The following NEFL variants were observed in gnomAD, a reference collection of about 807,000 sequenced individuals.
NEFL encodes the protein neurofilament light polypeptide.
NEFL carries 36 observed loss-of-function variants against 51.6 expected under a neutral mutation model. That is an observed-to-expected ratio of 0.70 (90% CI 0.53 to 0.92). NEFL has a LOEUF of 0.92. Ranked by LOEUF, NEFL falls within the 40% of genes least tolerant of loss-of-function variation. NEFL has a pLI of 0.00. For synonymous variants in NEFL, 332 were observed against 302.5 expected (o/e 1.10, Z -1.01); for missense variants, 671 against 722.0 (o/e 0.93, Z 0.81).
At position 24,955,526 on chromosome 8, in the gene NEFL, C is replaced by T; in HGVS notation, c.990G>A (p.Glu330=). The T allele has an allele frequency of 6.2e-7, 1 of 1,613,238 alleles. No individual in the cohort carries two copies. The highest frequency in any genetic ancestry group is 8.5e-7 in the Non-Finnish European group (1 of 1,179,842). Residue 330 remains glutamate, a synonymous_variant, in exon 1 of 4, where the codon GAG becomes GAA. Coordinates refer to ENST00000610854, the MANE Select transcript of NEFL (RefSeq NM_006158.5). The surrounding 1 kb of genome is among the most constrained non-coding windows in gnomAD (Gnocchi z 4.0). ...TGTCCTCCAGCTCCTGCAGCTGCTTCTCCAGCGCTTCATTCATGCCCCGGC... is the reference window on the plus strand; with the variant it reads ...TGTCCTCCAGCTCCTGCAGCTGCTTTTCCAGCGCTTCATTCATGCCCCGGC... The part of the protein sequence containing the change: ...EACRGMNEAL[E]KQLQELEDKQ...
rs143338656 is a variant in NEFL at position 24,955,426 on chromosome 8, C to G, written c.1044+46G>C. ...ACTTTCTGGGCGCACCAACTCCCCC[C>G]CTTGCTCGAGTCCCCCGCCCCCCTG... On this transcript the variant is annotated intron_variant, in intron 1 of 3. Transcript: ENST00000610854. The surrounding 1 kb of genome is among the most constrained non-coding windows in gnomAD (Gnocchi z 4.0). 5.3e-5 allele frequency: 48 copies of G among 909,444 alleles called. No individual in the cohort carries two copies. The highest frequency in any genetic ancestry group is 7.3e-5 in the Non-Finnish European group (43 of 586,398). The allele number at this position is 909,444 out of a possible 1,614,324, so 56.3% of individuals were successfully genotyped here. A position where few individuals can be genotyped will look rare whatever the true frequency, so the allele number is the denominator to read the frequency against.
intron 3 of NEFL, 93 bp downstream of exon 3, chr8:24,953,383 A>G (rs907566798): frequency 2.0e-5 from 31 of 1,535,940 alleles, no homozygotes; most frequent in Non-Finnish European, 2.5e-5. Context: ...ATATATGAAT[A>G]AATGAGCAAG....
chr8:24,956,012 C>T lies in NEFL; in HGVS notation c.504G>A (p.Glu168=), dbSNP rs1350432402. 3 of 1,604,922 alleles carry T rather than the reference C, an allele frequency of 1.9e-6. No individual in the cohort carries two copies. The highest frequency in any genetic ancestry group is 1.7e-5 in the Admixed American group (1 of 59,906). ...QALQGEREGL[E]ETLRNLQARY... Reference sequence around the variant, plus strand: ...GCGCCTGCAGGTTGCGCAGGGTCTCCTCCAGCCCTTCGCGCTCGCCCTGGA... The same window carrying T: ...GCGCCTGCAGGTTGCGCAGGGTCTCTTCCAGCCCTTCGCGCTCGCCCTGGA... Residue 168 remains glutamate, a synonymous_variant, in exon 1 of 4, where the codon GAG becomes GAA. Transcript: ENST00000610854. This position sits in a 1 kb window ranked among gnomAD's most constrained non-coding sequence, Gnocchi z 5.9.
chr8:24,953,831 C>G (rs1232041568), intron 2 of NEFL, 36 bp from the exon 3 acceptor site: 1 of 1,560,276 alleles, frequency 6.4e-7, no homozygotes, highest in Admixed American at 1.9e-5. Flanking sequence ...TTAAAAAACA[C>G]CTGTGTTTCA....
chr8:24,952,617 GCAAA>G lies in NEFL; in HGVS notation c.*189_*192del. On this transcript the variant is annotated 3_prime_UTR_variant, in exon 4 of 4. Transcript: ENST00000610854. Reference sequence around the variant, plus strand: ...AGCAAGCCAGAAAGCCACTCTGCAAGCAAACAGATACTCTGCATAAAGAGGAAAT... The same window carrying G: ...AGCAAGCCAGAAAGCCACTCTGCAAGCAGATACTCTGCATAAAGAGGAAAT... 1.1e-6 allele frequency: 1 copy of G among 882,264 alleles called. No individual in the cohort carries two copies. The highest frequency in any genetic ancestry group is 1.9e-5 in the South Asian group (1 of 51,522). The allele number at this position is 882,264 out of a possible 1,614,324, so 54.7% of individuals were successfully genotyped here.
rs370284055 is a variant in NEFL at position 24,955,427 on chromosome 8, C to T, written c.1044+45G>A. On this transcript the variant is annotated intron_variant, in intron 1 of 3. Transcript: ENST00000610854. The surrounding 1 kb of genome is among the most constrained non-coding windows in gnomAD (Gnocchi z 4.0). ...CTTTCTGGGCGCACCAACTCCCCCCCTTGCTCGAGTCCCCCGCCCCCCTGT... is the reference window on the plus strand; with the variant it reads ...CTTTCTGGGCGCACCAACTCCCCCCTTTGCTCGAGTCCCCCGCCCCCCTGT... 9.6e-7 allele frequency: 1 copy of T among 1,036,728 alleles called. No homozygotes were observed. Among genetic ancestry groups the T allele is most frequent in the Non-Finnish European group, 1.4e-6 (1 of 698,986 alleles). 64.2% of individuals were successfully genotyped at this position (1,036,728 alleles called of 1,614,324 possible).
rs752885562 is a variant in NEFL, at chr8:24,954,322, A to T, written c.1045-17T>A. 1.0e-4 allele frequency: 161 copies of T among 1,607,360 alleles called. No homozygotes were observed. The highest frequency in any genetic ancestry group is 1.3e-4 in the Non-Finnish European group (153 of 1,178,244). ...GATCGTGTCCTGTTTGAAGACAAAAATAAAACAAAAAAAAAATCCGAGCAT... is the reference window on the plus strand; with the variant it reads ...GATCGTGTCCTGTTTGAAGACAAAATTAAAACAAAAAAAAAATCCGAGCAT... On this transcript the variant is annotated splice_polypyrimidine_tract_variant and intron_variant, in intron 1 of 3. Transcript: ENST00000610854.
At position 24,952,637 on chromosome 8, in the gene NEFL, A is replaced by C; in HGVS notation, c.*173T>G. The C allele has an allele frequency of 9.4e-7, 1 of 1,063,332 alleles. No individual in the cohort carries two copies. Among genetic ancestry groups the C allele is most frequent in the Admixed American group, 2.7e-5 (1 of 37,378 alleles). 65.9% of individuals were successfully genotyped at this position (1,063,332 alleles called of 1,614,324 possible). On this transcript the variant is annotated 3_prime_UTR_variant, in exon 4 of 4. Transcript: ENST00000610854. The stretch of plus-strand genomic sequence containing the variant: ...TGCAAGCAAACAGATACTCTGCATA[A>C]AGAGGAAATTCATAGCACAACATTG...
Position 24,955,418 on chromosome 8 carries a change from A to ACGGGGGGGGGGGGGGGGGGGGGGGGGG in NEFL, c.1044+53_1044+54insCCCCCCCCCCCCCCCCCCCCCCCCCCG. On this transcript the variant is annotated intron_variant, in intron 1 of 3. Transcript: ENST00000610854. This position sits in a 1 kb window ranked among gnomAD's most constrained non-coding sequence, Gnocchi z 4.0. ...TGGTCTCCACTTTCTGGGCGCACCA[A>ACGGGGGGGGGGGGGGGGGGGGGGGGGG]CTCCCCCCCTTGCTCGAGTCCCCCG... 7.8e-7 allele frequency: 1 copy of ACGGGGGGGGGGGGGGGGGGGGGGGGGG among 1,274,016 alleles called. No homozygotes were observed. 78.9% of individuals were successfully genotyped at this position (1,274,016 alleles called of 1,614,324 possible).
Position 24,952,085 on chromosome 8 carries a change from T to C in NEFL, c.*725A>G, listed in dbSNP as rs1802976863. ...TTCAGAATTGCTCCCTAGAAAGCCATCCCAAAACCTAACACAACACGTGTT... is the reference window on the plus strand; with the variant it reads ...TTCAGAATTGCTCCCTAGAAAGCCACCCCAAAACCTAACACAACACGTGTT... On this transcript the variant is annotated 3_prime_UTR_variant, in exon 4 of 4. Coordinates refer to ENST00000610854, the MANE Select transcript of NEFL (RefSeq NM_006158.5). The C allele has an allele frequency of 6.6e-6, 1 of 152,558 alleles. No homozygotes were observed. Among genetic ancestry groups the C allele is most frequent in the Admixed American group, 6.5e-5 (1 of 15,278 alleles). The allele number at this position is 152,558 out of a possible 1,614,324, so 9.5% of individuals were successfully genotyped here.
Position 24,956,604 on chromosome 8 carries a change from G to A in NEFL, c.-89C>T. The A allele has an allele frequency of 8.0e-7, 1 of 1,254,862 alleles. No homozygotes were observed. Among genetic ancestry groups the A allele is most frequent in the Non-Finnish European group, 1.1e-6 (1 of 880,516 alleles). 77.7% of individuals were successfully genotyped at this position (1,254,862 alleles called of 1,614,324 possible). On this transcript the variant is annotated 5_prime_UTR_variant, in exon 1 of 4. Coordinates refer to ENST00000610854, the MANE Select transcript of NEFL (RefSeq NM_006158.5). This position sits in a 1 kb window ranked among gnomAD's most constrained non-coding sequence, Gnocchi z 5.9. ...AGAGAGGGAAGGGGGAGGATGGATG[G>A]CTGTGTGCGGCTCGGCGCCGTTCTG...
At chr8:24,954,078 A>G in intron 2 of NEFL, 103 bp downstream of exon 2, 1 of 1,511,100 alleles carries the variant, frequency 6.6e-7, no homozygotes, top group Non-Finnish European at 9.0e-7. Flanking sequence ...TCATTATTTC[A>G]AAAGGACTAT....
In NEFL at chr8:24,956,054, G is replaced by C. The variant is rs560037435; in HGVS notation, c.462C>G (p.Thr154=). The C allele has an allele frequency of 1.2e-5, 20 of 1,604,266 alleles. No homozygotes were observed. The African/African-American group carries it at 1.9e-4, about 15-fold the overall frequency. Residue 154 remains threonine (T), a synonymous_variant, in exon 1 of 4, where the codon ACC becomes ACG. Transcript: ENST00000610854. This position sits in a 1 kb window ranked among gnomAD's most constrained non-coding sequence, Gnocchi z 5.9. ...RDLRLAAEDA[T]NEKQALQGER... ...CGCCCTGGAGCGCCTGCTTCTCGTT[G>C]GTGGCATCTTCCGCCGCCAGGCGCA...
rs2117254336 is a variant in NEFL, at chr8:24,955,610, C to T, written c.906G>A (p.Lys302=). The T allele has an allele frequency of 1.2e-6, 2 of 1,613,872 alleles. No individual in the cohort carries two copies. ...AKNTDAVRAA[K]DEVSESRRLL... is the part of the protein sequence containing the mutation. ...GACGACGGCTCTCGGACACCTCGTCCTTGGCGGCGCGCACGGCGTCGGTGT... is the reference window on the plus strand; with the variant it reads ...GACGACGGCTCTCGGACACCTCGTCTTTGGCGGCGCGCACGGCGTCGGTGT... The change falls in exon 1 of 4, where the codon AAG becomes AAA. Residue 302 remains lysine (K), a synonymous_variant. Coordinates refer to ENST00000610854, the MANE Select transcript of NEFL (RefSeq NM_006158.5). This position sits in a 1 kb window ranked among gnomAD's most constrained non-coding sequence, Gnocchi z 4.0.
rs1802961397 is a variant in NEFL, at chr8:24,951,137, G to A, written c.*1673C>T. 6.6e-6 allele frequency: 1 copy of A among 152,584 alleles called. No individual in the cohort carries two copies. The highest frequency in any genetic ancestry group is 2.4e-5 in the African/African-American group (1 of 41,438). The allele number at this position is 152,584 out of a possible 1,614,324, so 9.5% of individuals were successfully genotyped here. ...CAACCCAGGTCTAGTAAGCAGAAAT[G>A]TGAAAAGTTTTGTTTCTGAGGAGAC... is the stretch of plus-strand genomic sequence containing the variant. On this transcript the variant is annotated 3_prime_UTR_variant, in exon 4 of 4. Coordinates refer to ENST00000610854, the MANE Select transcript of NEFL (RefSeq NM_006158.5).
Position 24,952,918 on chromosome 8 carries a change from T to C in NEFL, c.1524A>G (p.Glu508=). ...AKEESEEAKE[E]EEGGEGEEGE... ...CTTCTTCACCTTCACCTCCTTCTTC[T>C]TCTTCTTTTGCTTCTTCAGACTCTT... Residue 508 remains glutamate (E), a synonymous_variant, in exon 4 of 4, where the codon GAA becomes GAG. Transcript: ENST00000610854. 6.2e-7 allele frequency: 1 copy of C among 1,611,828 alleles called. No individual in the cohort carries two copies. The highest frequency in any genetic ancestry group is 8.5e-7 in the Non-Finnish European group (1 of 1,178,470).
In NEFL at chr8:24,956,297, C is replaced by G; in HGVS notation, c.219G>C (p.Leu73=). The G allele has an allele frequency of 6.2e-7, 1 of 1,610,942 alleles. No homozygotes were observed. The highest frequency in any genetic ancestry group is 8.5e-7 in the Non-Finnish European group (1 of 1,178,766). Residue 73 remains leucine (L), a synonymous_variant, in exon 1 of 4, where the codon CTG becomes CTC. Transcript: ENST00000610854. The surrounding 1 kb of genome is among the most constrained non-coding windows in gnomAD (Gnocchi z 5.9). Reference sequence around the variant, plus strand: ...CGTTGCTGATGGCGGCTACCTGGCTCAGGTCGAGGTTCTCCAGACTGGGCA... The same window carrying G: ...CGTTGCTGATGGCGGCTACCTGGCTGAGGTCGAGGTTCTCCAGACTGGGCA... ...SLMPSLENLD[L]SQVAAISNDL... is the part of the protein sequence containing the mutation.
chr8:24,955,389 C>G lies in NEFL; in HGVS notation c.1044+83G>C. ...CTAAGAGCTGCGTGCAGCCGCACCA[C>G]CCCTGGTCTCCACTTTCTGGGCGCA... On this transcript the variant is annotated intron_variant, in intron 1 of 3. Transcript: ENST00000610854. The surrounding 1 kb of genome is among the most constrained non-coding windows in gnomAD (Gnocchi z 4.0). 3.7e-6 allele frequency: 5 copies of G among 1,365,844 alleles called. No homozygotes were observed. The highest frequency in any genetic ancestry group is 5.0e-6 in the Non-Finnish European group (5 of 1,009,026). The allele number at this position is 1,365,844 out of a possible 1,614,324, so 84.6% of individuals were successfully genotyped here.
chr8:24,953,092 G>T, intron 3 of NEFL, 140 bp from the exon 4 acceptor site: 1 of 1,065,228 alleles, frequency 9.4e-7, no homozygotes, highest in Non-Finnish European at 1.3e-6. Context: ...AAAAGCACAT[G>T]TAACAGACAA....
Sources: allele counts gnomAD v4.1 joint callset, GRCh38; gene constraint gnomAD v4.1.1; non-coding constraint Gnocchi (gnomAD v3.1); transcripts MANE v1.5; gene names NCBI Gene and HGNC (gene_info 2026-07-23, HGNC 2026-07-21).